KCNAB1: variants seen among roughly 807,000 people sequenced by gnomAD.
KCNAB1 encodes voltage-gated potassium channel subunit beta-1.
In KCNAB1, 35 loss-of-function variants were observed where a neutral mutation model predicts 64.6. The ratio of observed to expected loss-of-function variants is 0.54; its 90% CI spans 0.41 to 0.72. The LOEUF is 0.72. KCNAB1 is among the 30% of genes least tolerant of loss of function. The pLI is 0.00. For missense variants in KCNAB1, 401 were observed against 512.9 expected (o/e 0.78, Z 2.11); for synonymous variants, 177 against 183.8 (o/e 0.96, Z 0.30).
chr3:156,190,986 T>A (rs1168052521), intron 1 of KCNAB1, among the ~76,000 whole-genome samples: 3 of 152,204 alleles, frequency 2.0e-5, no homozygotes, highest in African/African-American at 7.2e-5. Context: ...AACTACTGTG[T>A]GTTTTTAAAT....
chr3:156,371,121 T>C (rs1726278307), intron 1 of KCNAB1, among the ~76,000 whole-genome samples: 1 of 152,226 alleles, frequency 6.6e-6, no homozygotes, highest in African/African-American at 2.4e-5. Flanking sequence ...TTGAGAAGTA[T>C]CTGCCATACA....
rs1318444935 is a variant in KCNAB1, at chr3:156,395,543, T to TAAAAA, written c.276-26073_276-26072insAAAAA. Among the ~76,000 whole-genome samples, 8 of 8,450 alleles carry TAAAAA rather than the reference T, an allele frequency of 9.5e-4. No homozygotes were observed. The East Asian group carries it at 0.02, about 21-fold the overall frequency. 5.5% of individuals were successfully genotyped at this position (8,450 alleles called of 152,430 possible). ...CTGGGCGACAGAGCGAGACTCCGTC[T>TAAAAA]CAAAAAAAAAAAAAAAAAAAAAAAA... On this transcript the variant is annotated intron_variant, in intron 1 of 13. Transcript: ENST00000490337.
At chr3:156,483,353 G>C (rs756224233) in intron 8 of KCNAB1, among the ~76,000 whole-genome samples, 9 of 151,994 alleles carry the variant, frequency 5.9e-5, no homozygotes, top group African/African-American at 9.7e-5. Flanking sequence ...GTCACCAATG[G>C]GTGGCTGACT....
chr3:156,194,296 C>T (rs948321850), intron 1 of KCNAB1, among the ~76,000 whole-genome samples: 1 of 151,484 alleles, frequency 6.6e-6, no homozygotes, highest in Non-Finnish European at 1.5e-5. Flanking sequence ...TATTTCAGCT[C>T]CTTTATAGCT....
chr3:156,341,584 T>C (rs1724120080), intron 1 of KCNAB1, among the ~76,000 whole-genome samples: 1 of 152,196 alleles, frequency 6.6e-6, no homozygotes, highest in South Asian at 2.1e-4. Flanking sequence ...GTCCCTGTGG[T>C]CTGTGTCATG....
At chr3:156,513,235 A>G (rs1389654251) in intron 8 of KCNAB1, among the ~76,000 whole-genome samples, 1 of 152,120 alleles carries the variant, frequency 6.6e-6, no homozygotes, top group African/African-American at 2.4e-5. Flanking sequence ...CAACAACAAA[A>G]AAGTTTACAC....
intron 1 of KCNAB1, among the ~76,000 whole-genome samples, chr3:156,149,212 G>A (rs75318893): frequency 0.017 from 2,652 of 152,056 alleles, 46 homozygotes; most frequent in South Asian, 0.032. Context: ...CTGAGTGGTG[G>A]CCACGCTAAT....
At chr3:156,166,571 G>A (rs952994162) in intron 1 of KCNAB1, among the ~76,000 whole-genome samples, 2 of 151,718 alleles carry the variant, frequency 1.3e-5, no homozygotes, top group Non-Finnish European at 2.9e-5. Context: ...GCAATATATG[G>A]TGTACTTTAA....
At position 156,508,582 on chromosome 3, in the gene KCNAB1, A is replaced by G. The variant is rs1382221298; in HGVS notation, c.659-5782A>G. Among the ~76,000 whole-genome samples the G allele has an allele frequency of 6.6e-6, 1 of 152,204 alleles. No homozygotes were observed. Among genetic ancestry groups the G allele is most frequent in the Non-Finnish European group, 1.5e-5 (1 of 68,032 alleles). ...ACATTACTGAAACAACTGTCCCCAA[A>G]ATGTTAGAATCTGGGCCTATTTGAG... is the stretch of plus-strand genomic sequence containing the variant. On this transcript the variant is annotated intron_variant, in intron 8 of 13. Coordinates refer to ENST00000490337, the MANE Select transcript of KCNAB1 (RefSeq NM_172160.3). The surrounding 1 kb of genome is among the most constrained non-coding windows in gnomAD (Gnocchi z 4.1).
intron 1 of KCNAB1, among the ~76,000 whole-genome samples, chr3:156,121,664 G>GA (rs1239176515): frequency 6.6e-6 from 1 of 152,172 alleles, no homozygotes; most frequent in African/African-American, 2.4e-5. Flanking sequence ...AATTTTGGAA[G>GA]AAAAAATACT....
Position 156,120,711 on chromosome 3 carries a change from T to C in KCNAB1, c.100T>C (p.Ser34Pro). 2.5e-6 allele frequency: 4 copies of C among 1,613,958 alleles called. No homozygotes were observed. The highest frequency in any genetic ancestry group is 3.4e-6 in the Non-Finnish European group (4 of 1,179,992). ...SGFSVAGKDKSPKKASENAKD... is the reference protein window; with the variant it reads ...SGFSVAGKDKPPKKASENAKD... ...GTTTTCTGTAGCAGGGAAAGACAAA[T>C]CTCCCAAGAAAGCCTCAGAAAACGC... Residue 34 changes from serine (S) to proline (P), a missense_variant, in exon 1 of 14, where the codon TCT (serine) becomes CCT (proline). By Grantham distance (74) the Ser-to-Pro change is moderately conservative. Coordinates refer to ENST00000490337, the MANE Select transcript of KCNAB1 (RefSeq NM_172160.3).
intron 4 of KCNAB1, among the ~76,000 whole-genome samples, chr3:156,458,666 G>T (rs920399707): frequency 4.6e-5 from 7 of 152,092 alleles, no homozygotes; most frequent in Admixed American, 2.6e-4. Context: ...AAGGTTATAT[G>T]GTCTTGCTCC....
intron 1 of KCNAB1, among the ~76,000 whole-genome samples, chr3:156,257,501 A>G (rs1718165206): frequency 1.3e-5 from 2 of 152,198 alleles, no homozygotes; most frequent in South Asian, 2.1e-4. Flanking sequence ...TGCCTGTTCT[A>G]TGTCCAGAGC....
chr3:156,118,660 A>C (rs116424122), upstream of KCNAB1, among the ~76,000 whole-genome samples: 594 of 152,360 alleles, frequency 3.9e-3, 2 homozygotes, highest in African/African-American at 0.013. Context: ...ATTTGAACCC[A>C]AGCAGTCTGA....
intron 1 of KCNAB1, among the ~76,000 whole-genome samples, chr3:156,192,054 T>C (rs1713594621): frequency 6.6e-6 from 1 of 152,242 alleles, no homozygotes; most frequent in Non-Finnish European, 1.5e-5. Context: ...GATTAGATAA[T>C]TTGAATTTTA....
intron 8 of KCNAB1, among the ~76,000 whole-genome samples, chr3:156,495,747 A>G (rs1715967787): frequency 6.6e-6 from 1 of 152,194 alleles, no homozygotes; most frequent in Admixed American, 6.5e-5. Flanking sequence ...TGTGAGGAAT[A>G]AAGTAGTTAA....
intron 1 of KCNAB1, among the ~76,000 whole-genome samples, chr3:156,139,584 G>GTTTTTTTTTTT (rs386398329): frequency 2.5e-4 from 14 of 55,254 alleles, no homozygotes; most frequent in South Asian, 8.3e-4. Context: ...ATTGTACTGT[G>GTTTTTTTTTTT]TTTTTTTTTT....
At chr3:156,352,136 G>A (rs1202704333) in intron 1 of KCNAB1, among the ~76,000 whole-genome samples, 4 of 152,192 alleles carry the variant, frequency 2.6e-5, no homozygotes, top group Non-Finnish European at 5.9e-5. Flanking sequence ...AGCACACTGC[G>A]ACTGTCCTGG....
At chr3:156,146,365 A>T (rs1168999858) in intron 1 of KCNAB1, among the ~76,000 whole-genome samples, 2 of 152,144 alleles carry the variant, frequency 1.3e-5, no homozygotes, top group African/African-American at 4.8e-5. Context: ...CTGAAAATTA[A>T]TTGTCTTTAT....
Sources: gnomAD v4.1 joint callset for allele counts (sites outside exome capture counted in the v4.1 genomes callset) on GRCh38, gnomAD v4.1.1 for gene constraint, Gnocchi (gnomAD v3.1) non-coding constraint, MANE v1.5 for transcripts, NCBI Gene and HGNC (gene_info 2026-07-23, HGNC 2026-07-21) for gene names.